GYS2: variants seen among roughly 807,000 people sequenced by gnomAD.
GYS2 encodes the protein glycogen [starch] synthase, liver.
In GYS2, 80 loss-of-function variants were observed where a neutral mutation model predicts 85.6. The observed-to-expected ratio is 0.93, with a 90% CI of 0.78 to 1.13. GYS2 has a LOEUF of 1.13. GYS2 is among the 50% of genes most tolerant of loss of function. GYS2 has a pLI of 0.00. For synonymous variants in GYS2, 328 were observed against 300.7 expected, an observed-to-expected ratio of 1.09 and a Z score of -0.94; for missense variants, 881 against 854.9, an observed-to-expected ratio of 1.03 and a Z score of -0.38.
chr12:21,593,698 C>T (rs1944664634), intron 1 of GYS2, among the ~76,000 whole-genome samples: 1 of 151,944 alleles, frequency 6.6e-6, no homozygotes, highest in Non-Finnish European at 1.5e-5. Context: ...TCAAAGAAAA[C>T]TAACAAGTCT....
chr12:21,600,476 CA>C (rs1944743634), intron 1 of GYS2, among the ~76,000 whole-genome samples: 1 of 151,844 alleles, frequency 6.6e-6, no homozygotes, highest in Non-Finnish European at 1.5e-5. Flanking sequence ...AGAGGAAGAA[CA>C]AAAACAGTAT....
downstream of GYS2, chr12:21,533,097 A>G (rs1164456911): frequency 3.8e-5 from 3 of 78,022 alleles, no homozygotes; most frequent in Non-Finnish European, 7.6e-5. Flanking sequence ...TGGCTTCAAC[A>G]CACAGATACA....
chr12:21,598,364 GTTGAGGCCTGATTGTAAGTAAAT>G (rs1944719081), intron 1 of GYS2, among the ~76,000 whole-genome samples: 1 of 151,912 alleles, frequency 6.6e-6, no homozygotes, highest in African/African-American at 2.4e-5. Flanking sequence ...TCTCATATTG[GTTGAGGCCTGATTGTAAGTAAAT>G]CTTTGTCCCT....
Position 21,542,529 on chromosome 12 carries a change from T to G in GYS2, c.1612A>C (p.Met538Leu), listed in dbSNP as rs769747169. 1.9e-6 allele frequency: 3 copies of G among 1,613,636 alleles called. No individual in the cohort carries two copies. In the East Asian group the frequency reaches 6.7e-5, roughly 36 times the overall value. ...TTNLSGFGCF[M>L]QEHVADPTAY... is the part of the protein sequence containing the mutation. ...GTAGGATCAGCCACGTGCTCCTGCATGAAACAGCCAAACCCGGAGAGATTC... is the reference window on the plus strand; with the variant it reads ...GTAGGATCAGCCACGTGCTCCTGCAGGAAACAGCCAAACCCGGAGAGATTC... Residue 538 changes from methionine (M) to leucine (L), a missense_variant, in exon 13 of 16, where the codon ATG becomes CTG. Coordinates refer to ENST00000261195, the MANE Select transcript of GYS2 (RefSeq NM_021957.4).
At chr12:21,593,269 T>A in intron 1 of GYS2, among the ~76,000 whole-genome samples, 1 of 145,538 alleles carries the variant, frequency 6.9e-6, no homozygotes, top group Non-Finnish European at 1.5e-5. Flanking sequence ...AAAGAAAAAA[T>A]GAAGAACAGA....
intron 13 of GYS2, 62 bp from the exon 14 acceptor site, chr12:21,540,635 C>T: frequency 7.2e-7 from 1 of 1,388,064 alleles, no homozygotes; most frequent in Non-Finnish European, 1.0e-6. Context: ...ATTTGTTCTC[C>T]TGTGATTTAC....
chr12:21,534,699 G>A (rs1434556242), downstream of GYS2, among the ~76,000 whole-genome samples: 2 of 152,148 alleles, frequency 1.3e-5, no homozygotes, highest in African/African-American at 4.8e-5. Flanking sequence ...ATTGTAAGTT[G>A]AGGAGCACCT....
chr12:21,603,970 T>C (rs1381817939), intron 1 of GYS2, among the ~76,000 whole-genome samples: 1 of 152,078 alleles, frequency 6.6e-6, no homozygotes, highest in Non-Finnish European at 1.5e-5. Context: ...AGCACAGTAT[T>C]TTGCCTTTTG....
chr12:21,540,606 A>G, intron 13 of GYS2, 33 bp from the exon 14 acceptor site: 1 of 1,586,908 alleles, frequency 6.3e-7, no homozygotes, highest in Non-Finnish European at 8.7e-7. Context: ...CACAAGTAAA[A>G]GTAGGACTAA....
chr12:21,558,917 T>A (rs1944216829), intron 10 of GYS2, among the ~76,000 whole-genome samples, 174 bp downstream of exon 10: 1 of 152,104 alleles, frequency 6.6e-6, no homozygotes, highest in Non-Finnish European at 1.5e-5. Context: ...AAGGAGCTCT[T>A]AAAACCACTA....
At chr12:21,600,388 A>G (rs929626874) in intron 1 of GYS2, among the ~76,000 whole-genome samples, 1 of 152,156 alleles carries the variant, frequency 6.6e-6, no homozygotes, top group African/African-American at 2.4e-5. Flanking sequence ...TCAGCCTTGA[A>G]AAGTGTTGAG....
chr12:21,559,853 T>C, intron 8 of GYS2, 143 bp from the exon 9 acceptor site: 1 of 687,344 alleles, frequency 1.5e-6, no homozygotes, highest in African/African-American at 1.8e-5. Context: ...GTCTCTTCTA[T>C]TATTTTACTA....
At chr12:21,575,263 C>T (rs977805655) in intron 3 of GYS2, among the ~76,000 whole-genome samples, 1 of 152,088 alleles carries the variant, frequency 6.6e-6, no homozygotes, top group Non-Finnish European at 1.5e-5. Flanking sequence ...TCTAATTCCA[C>T]CCCAGGGTCT....
intron 1 of GYS2, among the ~76,000 whole-genome samples, chr12:21,593,254 G>T (rs1467999101): frequency 3.3e-5 from 5 of 150,910 alleles, no homozygotes; most frequent in Admixed American, 2.6e-4. Flanking sequence ...AAAACTAGCA[G>T]AAGGAAAGAA....
At position 21,539,235 on chromosome 12, in the gene GYS2, A is replaced by G. The variant is rs756272024; in HGVS notation, c.1890+23T>C. On this transcript the variant is annotated intron_variant, in intron 15 of 15. Coordinates refer to ENST00000261195, the MANE Select transcript of GYS2 (RefSeq NM_021957.4). ...TTATAAAAAGAAATATAGCTTTCAAAAAAAAATACATTGAATATTTACCGT... is the reference window on the plus strand; with the variant it reads ...TTATAAAAAGAAATATAGCTTTCAAGAAAAAATACATTGAATATTTACCGT... The G allele has an allele frequency of 4.1e-5, 57 of 1,376,946 alleles. No individual in the cohort carries two copies. In the South Asian group the frequency reaches 5.5e-4, roughly 13 times the overall value. 85.3% of individuals were successfully genotyped at this position (1,376,946 alleles called of 1,614,324 possible). A position where few individuals can be genotyped will look rare whatever the true frequency, so the allele number is the denominator to read the frequency against.
chr12:21,583,721 A>G (rs1944539326), intron 1 of GYS2, among the ~76,000 whole-genome samples: 1 of 152,196 alleles, frequency 6.6e-6, no homozygotes, highest in South Asian at 2.1e-4. Flanking sequence ...TGGAAACGAA[A>G]TATTTGACTA....
In GYS2 at chr12:21,604,682, A is replaced by G. The variant is rs139793446; in HGVS notation, c.-90T>C. The G allele has an allele frequency of 5.6e-5, 90 of 1,593,140 alleles. No individual in the cohort carries two copies. In the African/African-American group the frequency reaches 1.1e-3, roughly 19 times the overall value. On this transcript the variant is annotated 5_prime_UTR_variant, in exon 1 of 16. Coordinates refer to ENST00000261195, the MANE Select transcript of GYS2 (RefSeq NM_021957.4). ...GAGAACTTACAGGCACAAAAGTTAGAGTTGGTAGAGTTACCAGGCTTTGGT... is the reference window on the plus strand; with the variant it reads ...GAGAACTTACAGGCACAAAAGTTAGGGTTGGTAGAGTTACCAGGCTTTGGT...
At chr12:21,572,842 C>T (rs531425136) in intron 4 of GYS2, among the ~76,000 whole-genome samples, 155 of 152,202 alleles carry the variant, frequency 1.0e-3, no homozygotes, top group Non-Finnish European at 1.8e-3. Flanking sequence ...TTCAAGAATT[C>T]TGAAGTGAAA....
In GYS2 at chr12:21,558,269, G is replaced by A. The variant is rs1555156025; in HGVS notation, c.1353C>T (p.Asp451=). The change falls in exon 11 of 16, where the codon GAC becomes GAT. Residue 451 remains aspartate (D), a synonymous_variant. Transcript: ENST00000261195. ...PPVTTHNMID[D]STDPILSTIR... ...TGGTGCTGAGGATGGGGTCGGTGGA[G>A]TCATCAATCATGTTGTGCGTGGTCA... 1 of 1,613,968 alleles carries A rather than the reference G, an allele frequency of 6.2e-7. No homozygotes were observed. Among genetic ancestry groups the A allele is most frequent in the Non-Finnish European group, 8.5e-7 (1 of 1,179,866 alleles).
Sources: allele counts gnomAD v4.1 joint callset (sites outside exome capture counted in the v4.1 genomes callset), GRCh38; gene constraint gnomAD v4.1.1; transcripts MANE v1.5; gene names NCBI Gene and HGNC (gene_info 2026-07-23, HGNC 2026-07-21).